Variants in BORCS5 observed in about 807,000 individuals in gnomAD.
The protein encoded by BORCS5 is BLOC-1-related complex subunit 5.
In BORCS5, 17 loss-of-function variants were observed where a neutral mutation model predicts 22.1. The observed-to-expected ratio is 0.77, with a 90% CI of 0.53 to 1.15. The LOEUF (loss-of-function observed/expected upper bound fraction) is 1.15, where lower values mean the gene tolerates loss of function less well. Ranked by LOEUF, BORCS5 falls within the 50% of genes most tolerant of loss-of-function variation. BORCS5 has a pLI of 0.00. For missense variants in BORCS5, 247 were observed against 253.2 expected (o/e 0.98, Z 0.17); for synonymous variants, 117 against 99.8 (o/e 1.17, Z -1.03).
intron 2 of BORCS5, among the ~76,000 whole-genome samples, chr12:12,427,290 T>C (rs10845540): frequency 0.62 from 93,369 of 150,098 alleles, 30,264 homozygotes; most frequent in African/African-American, 0.79. Context: ...ACGCCTTTCT[T>C]CTGCCTCAGC....
rs140065841 is a variant in BORCS5, at chr12:12,443,176, C to T, written c.360+7391C>T. 2.1e-3 allele frequency among the ~76,000 whole-genome samples: 320 copies of T among 152,252 alleles called. 2 individuals are homozygous for T. The highest frequency in any genetic ancestry group is 7.2e-3 in the African/African-American group (297 of 41,534). On this transcript the variant is annotated intron_variant, in intron 3 of 3. Coordinates refer to ENST00000314565, the MANE Select transcript of BORCS5 (RefSeq NM_058169.6). ...GACAACATTGTTAGAGTCCTGTGGC[C>T]GCTTTTAAATATATTTTGGCTTCAG...
chr12:12,376,215 G>T (rs913893746), intron 2 of BORCS5, among the ~76,000 whole-genome samples: 6 of 151,558 alleles, frequency 4.0e-5, no homozygotes, highest in Admixed American at 6.6e-5. Context: ...GTGACAATTG[G>T]GATTGCTTTG....
At chr12:12,423,675 CA>C (rs1942201645) in intron 2 of BORCS5, among the ~76,000 whole-genome samples, 1 of 124,748 alleles carries the variant, frequency 8.0e-6, no homozygotes, top group Non-Finnish European at 1.7e-5. Flanking sequence ...TTGCTGCTTT[CA>C]AATTTCTCGT....
chr12:12,450,801 C>T (rs573859357), intron 3 of BORCS5, among the ~76,000 whole-genome samples: 1 of 152,244 alleles, frequency 6.6e-6, no homozygotes, highest in South Asian at 2.1e-4. Flanking sequence ...TTTCTCATCT[C>T]TAATAGGAGA....
At chr12:12,463,957 T>TG (rs1385039583) in intron 3 of BORCS5, among the ~76,000 whole-genome samples, 2 of 152,170 alleles carry the variant, frequency 1.3e-5, no homozygotes, top group African/African-American at 4.8e-5. Context: ...TAAAATGTGA[T>TG]GCCCGAGAAG....
chr12:12,360,719 G>GT (rs990020109), intron 1 of BORCS5, among the ~76,000 whole-genome samples: 4 of 151,394 alleles, frequency 2.6e-5, no homozygotes, highest in African/African-American at 9.7e-5. Context: ...CTGAGGTGGC[G>GT]TTTTTGTTTG....
rs1226314677 is a variant in BORCS5, at chr12:12,469,997, C to T, written c.*4221C>T. 6.6e-6 allele frequency among the ~76,000 whole-genome samples: 1 copy of T among 152,124 alleles called. No individual in the cohort carries two copies. Among genetic ancestry groups the T allele is most frequent in the Non-Finnish European group, 1.5e-5 (1 of 68,028 alleles). On this transcript the variant is annotated 3_prime_UTR_variant, in exon 4 of 4. Coordinates refer to ENST00000314565, the MANE Select transcript of BORCS5 (RefSeq NM_058169.6). ...CAAACCCCAGGCCACAGACTGGTAC[C>T]CATCTGTGGCGTGTGAGGAAGTGTG...
At chr12:12,460,515 T>A (rs1371784135) in intron 3 of BORCS5, among the ~76,000 whole-genome samples, 1 of 152,252 alleles carries the variant, frequency 6.6e-6, no homozygotes, top group Non-Finnish European at 1.5e-5. Context: ...CTGCATATAG[T>A]ACAATGTTGA....
Position 12,357,310 on chromosome 12 carries a change from CA to C in BORCS5, c.-141del. 1 of 1,464,072 alleles carries C rather than the reference CA, an allele frequency of 6.8e-7. No homozygotes were observed. Among genetic ancestry groups the C allele is most frequent in the Non-Finnish European group, 9.1e-7 (1 of 1,104,544 alleles). 90.7% of individuals were successfully genotyped at this position (1,464,072 alleles called of 1,614,324 possible). On this transcript the variant is annotated 5_prime_UTR_variant, in exon 1 of 4. Transcript: ENST00000314565. ...AGGCCCCTGCGTGGGCTGGACGCGT[CA>C]GCCCCACACATTAGCCTCGCTGCGG...
rs1429968713 is a variant in BORCS5 at position 12,470,663 on chromosome 12, G to A, written c.*4887G>A. Reference sequence around the variant, plus strand: ...GGGGACTGCTGTCATAAATAACATTGAATTTCATGTGGGTTTTTTTTTTTT... The same window carrying A: ...GGGGACTGCTGTCATAAATAACATTAAATTTCATGTGGGTTTTTTTTTTTT... On this transcript the variant is annotated 3_prime_UTR_variant, in exon 4 of 4. Transcript: ENST00000314565. 8.4e-6 allele frequency among the ~76,000 whole-genome samples: 1 copy of A among 119,632 alleles called. No homozygotes were observed. Among genetic ancestry groups the A allele is most frequent in the Non-Finnish European group, 1.7e-5 (1 of 57,958 alleles). 78.5% of individuals were successfully genotyped at this position (119,632 alleles called of 152,430 possible).
In BORCS5 at chr12:12,374,080, C is replaced by T. The variant is rs1388519527; in HGVS notation, c.202+12731C>T. Among the ~76,000 whole-genome samples, 16 of 150,260 alleles carry T rather than the reference C, an allele frequency of 1.1e-4. No homozygotes were observed. The East Asian group carries it at 2.7e-3, about 26-fold the overall frequency. On this transcript the variant is annotated intron_variant, in intron 2 of 3. Coordinates refer to ENST00000314565, the MANE Select transcript of BORCS5 (RefSeq NM_058169.6). ...TCGGCTCACTGCAAGCTCTGCCTCC[C>T]GGGTTCACGCCATTCTCCTGCCTTA...
rs1201407361 is a variant in BORCS5, at chr12:12,435,511, A to G, written c.203-117A>G. 2.6e-5 allele frequency: 22 copies of G among 833,238 alleles called. No individual in the cohort carries two copies. In the East Asian group the frequency reaches 5.7e-4, roughly 22 times the overall value. 51.6% of individuals were successfully genotyped at this position (833,238 alleles called of 1,614,324 possible). A position where few individuals can be genotyped will look rare whatever the true frequency, so the allele number is the denominator to read the frequency against. On this transcript the variant is annotated intron_variant, in intron 2 of 3. Coordinates refer to ENST00000314565, the MANE Select transcript of BORCS5 (RefSeq NM_058169.6). ...CAACGATTGTCATTAACATATAACA[A>G]AAGATGCAAGATTAAATTGAAGTCT...
intron 2 of BORCS5, among the ~76,000 whole-genome samples, chr12:12,417,624 A>G (rs117113388): frequency 0.02 from 3,098 of 152,154 alleles, 40 homozygotes; most frequent in Non-Finnish European, 0.034. Flanking sequence ...ACAAATTTTG[A>G]TGGTCTCTCA....
At chr12:12,374,334 C>CAT (rs149866966) in intron 2 of BORCS5, among the ~76,000 whole-genome samples, 2,798 of 151,838 alleles carry the variant, frequency 0.018, 87 homozygotes, top group African/African-American at 0.063. Flanking sequence ...TATTTTAAAA[C>CAT]ATATTTAAAA....
At chr12:12,403,114 G>C (rs1462148050) in intron 2 of BORCS5, among the ~76,000 whole-genome samples, 1 of 149,548 alleles carries the variant, frequency 6.7e-6, no homozygotes, top group Admixed American at 6.7e-5. Flanking sequence ...TTTAATCCTT[G>C]TACAACCTAT....
At chr12:12,375,885 A>T (rs1039832056) in intron 2 of BORCS5, among the ~76,000 whole-genome samples, 11 of 151,890 alleles carry the variant, frequency 7.2e-5, no homozygotes, top group African/African-American at 2.7e-4. Context: ...GCTCGCTGCA[A>T]CCTCTGCCTC....
At chr12:12,463,110 T>A (rs1349689285) in intron 3 of BORCS5, among the ~76,000 whole-genome samples, 2 of 152,180 alleles carry the variant, frequency 1.3e-5, no homozygotes, top group Non-Finnish European at 2.9e-5. Flanking sequence ...TATCCCTAGA[T>A]TGTCAAAATG....
chr12:12,392,120 A>G (rs1941209480), intron 2 of BORCS5, among the ~76,000 whole-genome samples: 1 of 151,344 alleles, frequency 6.6e-6, no homozygotes, highest in Admixed American at 6.6e-5. Flanking sequence ...TAATTGTTTA[A>G]GTTAAAGGGA....
At position 12,384,554 on chromosome 12, in the gene BORCS5, C is replaced by T. The variant is rs144826502; in HGVS notation, c.202+23205C>T. 2.9e-3 allele frequency among the ~76,000 whole-genome samples: 443 copies of T among 150,670 alleles called. 14 individuals are homozygous for T. Among genetic ancestry groups the T allele is most frequent in the African/African-American group, 0.01 (422 of 40,986 alleles). On this transcript the variant is annotated intron_variant, in intron 2 of 3. Transcript: ENST00000314565. Reference sequence around the variant, plus strand: ...GAACTGGGCATTTTAGATAATATAGCAGCTGTGGATTCTGATCCTCCCAAA... The same window carrying T: ...GAACTGGGCATTTTAGATAATATAGTAGCTGTGGATTCTGATCCTCCCAAA...
Sources: allele counts gnomAD v4.1 joint callset (sites outside exome capture counted in the v4.1 genomes callset), GRCh38; gene constraint gnomAD v4.1.1; transcripts MANE v1.5; gene names NCBI Gene and HGNC (gene_info 2026-07-23, HGNC 2026-07-21).